SEC23B: variants seen among roughly 807,000 people sequenced by gnomAD.
SEC23B encodes the protein SEC23 homolog B, COPII component, also known as protein transport protein Sec23B.
A neutral mutation model predicts 104.3 loss-of-function variants in SEC23B; 77 were observed. The ratio of observed to expected loss-of-function variants is 0.74; its 90% confidence interval spans 0.61 to 0.89. The LOEUF is 0.89. SEC23B is among the 40% of genes least tolerant of loss of function. The probability of loss-of-function intolerance (pLI) is 0.00; values close to 1 mark genes in which losing one functional copy is unlikely to be tolerated. For synonymous variants in SEC23B, 338 were observed against 332.5 expected (o/e 1.02, Z -0.18); for missense variants, 885 against 949.4 (o/e 0.93, Z 0.89).
chr20:18,512,289 G>A lies in SEC23B; in HGVS notation c.279+7G>A. On this transcript the variant is annotated splice_region_variant and intron_variant, in intron 3 of 19. Coordinates refer to ENST00000650089, the MANE Select transcript of SEC23B (RefSeq NM_006363.6). Reference sequence around the variant, plus strand: ...CTGTTTTCAAAGAAATCAGGTATGTGAATTATTTTTAAAAAATGTTATATG... The same window carrying A: ...CTGTTTTCAAAGAAATCAGGTATGTAAATTATTTTTAAAAAATGTTATATG... 1 of 1,539,096 alleles carries A rather than the reference G, an allele frequency of 6.5e-7. No individual in the cohort carries two copies. Among genetic ancestry groups the A allele is most frequent in the Non-Finnish European group, 9.0e-7 (1 of 1,116,442 alleles).
intron 4 of SEC23B, among the ~76,000 whole-genome samples, chr20:18,518,582 G>GTT (rs57231166): frequency 0.011 from 1,000 of 92,612 alleles, 87 homozygotes; most frequent in African/African-American, 0.034. Context: ...CTGGAAGGAG[G>GTT]TTTTTTTTTT....
At position 18,559,079 on chromosome 20, in the gene SEC23B, G is replaced by GGC. The variant is rs1568628345; in HGVS notation, c.2215-1572_2215-1571insGC. On this transcript the variant is annotated intron_variant, in intron 19 of 19. Transcript: ENST00000650089. The stretch of plus-strand genomic sequence containing the variant: ...ACTACTCTGACAGGGAAGGTGGTTG[G>GGC]TGGGGGGGGTGTCGGGGGCACTGGT... Among the ~76,000 whole-genome samples the GGC allele has an allele frequency of 3.3e-4, 46 of 139,636 alleles. 1 individual carries two copies. The highest frequency in any genetic ancestry group is 6.7e-4 in the Admixed American group (9 of 13,484). The allele number at this position is 139,636 out of a possible 152,430, so 91.6% of individuals were successfully genotyped here.
intron 4 of SEC23B, among the ~76,000 whole-genome samples, chr20:18,516,197 G>A (rs1052909220): frequency 2.0e-5 from 3 of 148,298 alleles, no homozygotes; most frequent in Admixed American, 6.7e-5. Flanking sequence ...TCTCCCTGAT[G>A]TTACCATTGC....
At chr20:18,531,799 C>T (rs995244709) in intron 10 of SEC23B, among the ~76,000 whole-genome samples, 27 of 151,906 alleles carry the variant, frequency 1.8e-4, no homozygotes, top group Middle Eastern at 3.4e-3. Context: ...TCTGTAATCC[C>T]AGCACTTTGG....
intron 3 of SEC23B, among the ~76,000 whole-genome samples, chr20:18,513,758 C>A (rs2060001510): frequency 1.3e-5 from 2 of 152,166 alleles, no homozygotes; most frequent in Non-Finnish European, 2.9e-5. Context: ...CTCCCTATTA[C>A]ATTTAGGATT....
At chr20:18,538,228 C>T (rs768638756) in intron 12 of SEC23B, among the ~76,000 whole-genome samples, 1 of 150,446 alleles carries the variant, frequency 6.6e-6, no homozygotes, top group African/African-American at 2.4e-5. Context: ...GTGTGAGCTA[C>T]CACGCCCCAC....
At position 18,510,819 on chromosome 20, in the gene SEC23B, C is replaced by T. The variant is rs773579541; in HGVS notation, c.-14-3C>T. On this transcript the variant is annotated splice_region_variant and splice_polypyrimidine_tract_variant and intron_variant, in intron 1 of 19. Transcript: ENST00000650089. ...ATTAAGGTAATTAAAGTTTTATCTT[C>T]AGTTCCCTTTTAGACTATGGCGACA... The T allele has an allele frequency of 1.2e-6, 2 of 1,601,996 alleles. No homozygotes were observed. Among genetic ancestry groups the T allele is most frequent in the Admixed American group, 1.7e-5 (1 of 59,996 alleles).
chr20:18,544,830 C>G (rs1328795963), intron 14 of SEC23B, among the ~76,000 whole-genome samples: 11 of 152,050 alleles, frequency 7.2e-5, no homozygotes. Context: ...GGTTTGAAAT[C>G]AGGATGTAAA....
intron 12 of SEC23B, 109 bp from the exon 13 acceptor site, chr20:18,542,187 A>G: frequency 1.1e-6 from 1 of 949,836 alleles, no homozygotes; most frequent in East Asian, 2.4e-5. Flanking sequence ...ATGTGTCAAG[A>G]ACCTTCCTGT....
chr20:18,532,778 G>T (rs779374805), intron 11 of SEC23B, 34 bp downstream of exon 11: 3 of 1,496,360 alleles, frequency 2.0e-6, no homozygotes, highest in Admixed American at 1.7e-5. Flanking sequence ...CTCACCTCCT[G>T]CCCCGGATTT....
Position 18,554,957 on chromosome 20 carries a change from TGCA to T in SEC23B, c.2149-149_2149-147del. The T allele has an allele frequency of 1.6e-4, 14 of 87,016 alleles. 1 individual carries two copies. Among genetic ancestry groups the T allele is most frequent in the South Asian group, 3.9e-4 (3 of 7,638 alleles). The allele number at this position is 87,016 out of a possible 1,614,324, so 5.4% of individuals were successfully genotyped here. A position where few individuals can be genotyped will look rare whatever the true frequency, so the allele number is the denominator to read the frequency against. Reference sequence around the variant, plus strand: ...CTTAAGCTAAAGAAATAGATTACTGTGCAGTAAAACAATTCTAATTAGATTACT... The same window carrying T: ...CTTAAGCTAAAGAAATAGATTACTGTGTAAAACAATTCTAATTAGATTACT... On this transcript the variant is annotated intron_variant, in intron 18 of 19. Transcript: ENST00000650089.
chr20:18,559,093 G>T (rs762041740), intron 19 of SEC23B, among the ~76,000 whole-genome samples: 1 of 148,058 alleles, frequency 6.8e-6, no homozygotes. Flanking sequence ...GGGGGGTGTC[G>T]GGGGCACTGG....
Position 18,543,133 on chromosome 20 carries a change from C to T in SEC23B, c.1626C>T (p.Pro542=), listed in dbSNP as rs762544654. 6.8e-6 allele frequency: 11 copies of T among 1,613,962 alleles called. No individual in the cohort carries two copies. Among genetic ancestry groups the T allele is most frequent in the East Asian group, 6.7e-5 (3 of 44,886 alleles). The change falls in exon 14 of 20, where the codon CCC becomes CCT. Residue 542 remains proline (P), a synonymous_variant. Transcript: ENST00000650089. ...GVFRAESEEG[P]DVLRWLDRQL... Reference sequence around the variant, plus strand: ...TCCGAGCGGAGTCAGAGGAGGGGCCCGATGTGCTCCGGTGGCTGGACCGAC... The same window carrying T: ...TCCGAGCGGAGTCAGAGGAGGGGCCTGATGTGCTCCGGTGGCTGGACCGAC...
intron 19 of SEC23B, among the ~76,000 whole-genome samples, chr20:18,557,505 A>G (rs917527283): frequency 3.9e-5 from 6 of 152,180 alleles, no homozygotes; most frequent in Non-Finnish European, 7.4e-5. Flanking sequence ...AGCGAAGTCT[A>G]GAGACCTTAC....
intron 16 of SEC23B, among the ~76,000 whole-genome samples, chr20:18,549,990 AAAG>A (rs1314745543): frequency 6.8e-6 from 1 of 147,782 alleles, no homozygotes; most frequent in African/African-American, 2.5e-5. Flanking sequence ...TAAAAATAAA[AAAG>A]AAATAATTAC....
intron 12 of SEC23B, 77 bp from the exon 13 acceptor site, chr20:18,542,219 A>G: frequency 8.2e-7 from 1 of 1,215,070 alleles, no homozygotes; most frequent in South Asian, 1.2e-5. Context: ...CAGTCATTTT[A>G]GAAGAGTACA....
In SEC23B at chr20:18,510,918, G is replaced by A. The variant is rs200836567; in HGVS notation, c.83G>A (p.Arg28Gln). ...RFSWNVWPSSRLEATRMVVPL... is the reference protein window; with the variant it reads ...RFSWNVWPSSQLEATRMVVPL... ...AGTTGGAACGTGTGGCCTTCCAGCC[G>A]GCTGGAGGCTACAAGAATGGTTGTA... Residue 28 changes from arginine to glutamine, a missense_variant, in exon 2 of 20, where the codon CGG becomes CAG. Physicochemically the swap from Arg to Gln is conservative, Grantham distance 43. Coordinates refer to ENST00000650089, the MANE Select transcript of SEC23B (RefSeq NM_006363.6). 26 of 1,614,116 alleles carry A rather than the reference G, an allele frequency of 1.6e-5. No individual in the cohort carries two copies. Among genetic ancestry groups the A allele is most frequent in the Admixed American group, 6.7e-5 (4 of 60,020 alleles).
intron 1 of SEC23B, 142 bp from the exon 2 acceptor site, chr20:18,510,680 C>T (rs1180852156): frequency 4.5e-5 from 30 of 673,040 alleles, no homozygotes; most frequent in African/African-American, 3.4e-4. Flanking sequence ...GCAGGAGAAT[C>T]GCTTGAACCC....
chr20:18,514,376 G>A (rs1481250396), intron 3 of SEC23B, among the ~76,000 whole-genome samples: 2 of 152,160 alleles, frequency 1.3e-5, no homozygotes, highest in Non-Finnish European at 2.9e-5. Context: ...TGCAGTCAGT[G>A]GGCAGTCATG....
Sources: gnomAD v4.1 joint callset for allele counts (sites outside exome capture counted in the v4.1 genomes callset) on GRCh38, gnomAD v4.1.1 for gene constraint, MANE v1.5 for transcripts, NCBI Gene and HGNC (gene_info 2026-07-23, HGNC 2026-07-21) for gene names.